Variants in EPB41L2 observed in about 807,000 individuals in gnomAD.
The protein encoded by EPB41L2 is erythrocyte membrane protein band 4.1 like 2.
EPB41L2 carries 43 observed loss-of-function variants against 113.0 expected under a neutral mutation model. The ratio of observed to expected loss-of-function variants is 0.38; its 90% confidence interval spans 0.30 to 0.49. EPB41L2 has a LOEUF of 0.49. Ranked by LOEUF, EPB41L2 falls within the 20% of genes least tolerant of loss-of-function variation. The pLI, the probability that EPB41L2 is intolerant of heterozygous loss-of-function variation, is 0.95. For missense variants in EPB41L2, 1,147 were observed against 1,223.4 expected (o/e 0.94, Z 0.93); for synonymous variants, 442 against 436.7 (o/e 1.01, Z -0.15).
At chr6:131,056,436 G>C (rs1797616208) in intron 1 of EPB41L2, among the ~76,000 whole-genome samples, 1 of 152,180 alleles carries the variant, frequency 6.6e-6, no homozygotes, top group Admixed American at 6.5e-5. Flanking sequence ...CAAAAAGAAT[G>C]AAGTTAAGAC....
At chr6:131,035,919 G>C (rs1793214389) in intron 1 of EPB41L2, among the ~76,000 whole-genome samples, 1 of 152,172 alleles carries the variant, frequency 6.6e-6, no homozygotes, top group African/African-American at 2.4e-5. Context: ...TTGGAGGCCA[G>C]AATAGACCCT....
intron 1 of EPB41L2, among the ~76,000 whole-genome samples, chr6:131,032,146 A>T (rs1011279775): frequency 1.3e-5 from 2 of 152,116 alleles, no homozygotes; most frequent in Non-Finnish European, 2.9e-5. Context: ...TAATATTCCT[A>T]TATATTACCA....
In EPB41L2 at chr6:130,880,075, G is replaced by A. The variant is rs1281815171; in HGVS notation, c.1896+69C>T. 6.7e-6 allele frequency: 8 copies of A among 1,195,956 alleles called. No individual in the cohort carries two copies. The East Asian group carries it at 1.9e-4, about 28-fold the overall frequency. 74.1% of individuals were successfully genotyped at this position (1,195,956 alleles called of 1,614,324 possible). A position where few individuals can be genotyped will look rare whatever the true frequency, so the allele number is the denominator to read the frequency against. Reference sequence around the variant, plus strand: ...TTGAAGAACATTGCCAGCCAGCCTAGGCGTGACCTCCCGTCCACAGCAGCC... The same window carrying A: ...TTGAAGAACATTGCCAGCCAGCCTAAGCGTGACCTCCCGTCCACAGCAGCC... On this transcript the variant is annotated intron_variant, in intron 13 of 19. Coordinates refer to ENST00000337057, the MANE Select transcript of EPB41L2 (RefSeq NM_001431.4).
intron 9 of EPB41L2, 25 bp from the exon 10 acceptor site, chr6:130,894,466 C>T (rs766306930): frequency 6.3e-7 from 1 of 1,598,876 alleles, no homozygotes; most frequent in Non-Finnish European, 8.6e-7. Context: ...TAAAACAAAT[C>T]AGCATATTTC....
At chr6:130,950,489 G>A (rs866752289) in intron 3 of EPB41L2, among the ~76,000 whole-genome samples, 6 of 150,766 alleles carry the variant, frequency 4.0e-5, no homozygotes, top group African/African-American at 1.2e-4. Flanking sequence ...ACTAACTCGG[G>A]AAAAAAAAAT....
At chr6:130,978,443 C>T (rs1297640359) in intron 1 of EPB41L2, among the ~76,000 whole-genome samples, 1 of 152,190 alleles carries the variant, frequency 6.6e-6, no homozygotes, top group Admixed American at 6.5e-5. Flanking sequence ...ATTAGCTCTC[C>T]ATAATTTGAG....
intron 3 of EPB41L2, among the ~76,000 whole-genome samples, chr6:130,941,100 A>G (rs3777459): frequency 6.6e-6 from 1 of 152,242 alleles, no homozygotes; most frequent in East Asian, 1.9e-4. Flanking sequence ...ATTTCTGAAC[A>G]CATAGGATAT....
intron 1 of EPB41L2, among the ~76,000 whole-genome samples, chr6:131,019,818 C>T (rs1584560522): frequency 2.6e-5 from 4 of 151,996 alleles, no homozygotes; most frequent in Admixed American, 2.6e-4. Context: ...CTGTAGTTTT[C>T]CTGTTTTCAC....
chr6:130,957,408 C>A (rs1254755336), intron 1 of EPB41L2, among the ~76,000 whole-genome samples: 3 of 152,210 alleles, frequency 2.0e-5, no homozygotes, highest in Admixed American at 6.5e-5. Context: ...GCGGAGATAG[C>A]CGATCACATT....
chr6:130,954,059 T>C (rs1322668208), intron 3 of EPB41L2, among the ~76,000 whole-genome samples: 1 of 113,400 alleles, frequency 8.8e-6, no homozygotes, highest in Non-Finnish European at 1.9e-5. Context: ...TTTTTTTTTT[T>C]TTTTTTTTTT....
At chr6:130,939,829 G>A (rs1394347638) in intron 3 of EPB41L2, among the ~76,000 whole-genome samples, 1 of 152,172 alleles carries the variant, frequency 6.6e-6, no homozygotes, top group East Asian at 1.9e-4. Flanking sequence ...CAGGGGAAGA[G>A]TCCACTTTAT....
At chr6:130,951,699 T>C (rs1274440664) in intron 3 of EPB41L2, among the ~76,000 whole-genome samples, 2 of 152,034 alleles carry the variant, frequency 1.3e-5, no homozygotes, top group South Asian at 2.1e-4. Flanking sequence ...ACTGTTTTCA[T>C]GGTTTTGAGT....
At chr6:131,037,275 T>C (rs1223419017) in intron 1 of EPB41L2, among the ~76,000 whole-genome samples, 2 of 152,094 alleles carry the variant, frequency 1.3e-5, no homozygotes, top group Non-Finnish European at 2.9e-5. Context: ...CCTGGAAAAA[T>C]TTATATAAGC....
rs183165469 is a variant in EPB41L2, at chr6:130,921,440, C to T, written c.810+5165G>A. On this transcript the variant is annotated intron_variant, in intron 4 of 19. Coordinates refer to ENST00000337057, the MANE Select transcript of EPB41L2 (RefSeq NM_001431.4). ...GTGTGCTCATGAGAAAACACGAGTC[C>T]CTACCTCCCCCTGCCAGCTTGCCTA... 2.0e-5 allele frequency among the ~76,000 whole-genome samples: 3 copies of T among 152,212 alleles called. 1 individual carries two copies. The highest frequency in any genetic ancestry group is 3.9e-4 in the East Asian group (2 of 5,174).
At chr6:130,854,257 A>G (rs933483848) in intron 19 of EPB41L2, among the ~76,000 whole-genome samples, 1 of 151,020 alleles carries the variant, frequency 6.6e-6, no homozygotes, top group East Asian at 1.9e-4. Flanking sequence ...GAGGGGGACC[A>G]TGTTTGCTTT....
chr6:130,996,787 C>T (rs977380391), intron 1 of EPB41L2, among the ~76,000 whole-genome samples: 65 of 152,118 alleles, frequency 4.3e-4, no homozygotes, highest in African/African-American at 1.5e-3. Context: ...AAAATGGTAA[C>T]GGTAATTATT....
chr6:130,945,378 A>G (rs1337988336), intron 3 of EPB41L2, among the ~76,000 whole-genome samples: 1 of 152,202 alleles, frequency 6.6e-6, no homozygotes, highest in Non-Finnish European at 1.5e-5. Context: ...GCTCTCTGAG[A>G]AATACTTTTA....
chr6:130,971,255 G>A (rs754209638), intron 1 of EPB41L2, among the ~76,000 whole-genome samples: 3 of 152,138 alleles, frequency 2.0e-5, no homozygotes, highest in Non-Finnish European at 4.4e-5. Flanking sequence ...TGCAGTTTGA[G>A]GTGCGACAGC....
intron 1 of EPB41L2, among the ~76,000 whole-genome samples, chr6:131,042,334 A>G (rs1794617547): frequency 6.6e-6 from 1 of 152,190 alleles, no homozygotes; most frequent in Non-Finnish European, 1.5e-5. Flanking sequence ...CAAAAGAAAG[A>G]AAAAGATGTA....
Sources: allele counts gnomAD v4.1 joint callset (sites outside exome capture counted in the v4.1 genomes callset), GRCh38; gene constraint gnomAD v4.1.1; transcripts MANE v1.5; gene names NCBI Gene and HGNC (gene_info 2026-07-23, HGNC 2026-07-21).